The following ABCD2 variants were observed in gnomAD, a reference collection of about 807,000 sequenced individuals.
ABCD2 encodes the protein ATP-binding cassette sub-family D member 2.
A neutral mutation model predicts 70.9 loss-of-function variants in ABCD2; 36 were observed. That is an observed-to-expected ratio of 0.51 (90% confidence interval 0.39 to 0.67). The LOEUF is 0.67. Ranked by LOEUF, ABCD2 falls within the 30% of genes least tolerant of loss-of-function variation. The pLI is 0.00. For missense variants in ABCD2, 729 were observed against 890.2 expected (o/e 0.82, Z 2.30); for synonymous variants, 304 against 306.9 (o/e 0.99, Z 0.10).
intron 6 of ABCD2, among the ~76,000 whole-genome samples, chr12:39,599,311 T>C (rs1941863871): frequency 6.6e-6 from 1 of 152,194 alleles, no homozygotes; most frequent in Admixed American, 6.5e-5. Context: ...AATTCTATAA[T>C]AGAAAATTTT....
At chr12:39,571,504 GTCA>G (rs747386196) in intron 9 of ABCD2, among the ~76,000 whole-genome samples, 18 of 152,124 alleles carry the variant, frequency 1.2e-4, no homozygotes, top group Non-Finnish European at 2.1e-4. Flanking sequence ...CTCATACATG[GTCA>G]TTCATATATT....
chr12:39,584,175 T>A (rs1941634680), intron 7 of ABCD2, among the ~76,000 whole-genome samples: 1 of 152,162 alleles, frequency 6.6e-6, no homozygotes, highest in Non-Finnish European at 1.5e-5. Flanking sequence ...CTTCTCAACA[T>A]CTTGTTATTT....
At chr12:39,616,271 G>A (rs375429663) in intron 2 of ABCD2, among the ~76,000 whole-genome samples, 1 of 152,120 alleles carries the variant, frequency 6.6e-6, no homozygotes, top group South Asian at 2.1e-4. Flanking sequence ...TCCCATCCAA[G>A]GATGATACAA....
chr12:39,604,522 G>A (rs949988641), intron 4 of ABCD2, among the ~76,000 whole-genome samples: 5 of 152,024 alleles, frequency 3.3e-5, no homozygotes, highest in African/African-American at 9.7e-5. Context: ...CATATGTGCA[G>A]TTTCCAAAAA....
downstream of ABCD2, among the ~76,000 whole-genome samples, chr12:39,547,006 TA>T (rs1358660939): frequency 1.3e-5 from 2 of 152,008 alleles, no homozygotes; most frequent in African/African-American, 4.8e-5. Flanking sequence ...AAGTTTTAAT[TA>T]AAAAATTTTT....
In ABCD2 at chr12:39,552,419, T is replaced by G. The variant is rs1316920458; in HGVS notation, c.*1493A>C. ...TTCCAATATTCTTCTGGTATGTCAATGTGGTATCACAGGCAGCAAGAGATA... is the reference window on the plus strand; with the variant it reads ...TTCCAATATTCTTCTGGTATGTCAAGGTGGTATCACAGGCAGCAAGAGATA... On this transcript the variant is annotated 3_prime_UTR_variant, in exon 10 of 10. Coordinates refer to ENST00000308666, the MANE Select transcript of ABCD2 (RefSeq NM_005164.4). The G allele has an allele frequency of 6.6e-6, 1 of 151,952 alleles. No homozygotes were observed. The highest frequency in any genetic ancestry group is 1.5e-5 in the Non-Finnish European group (1 of 67,860). The allele number at this position is 151,952 out of a possible 1,614,324, so 9.4% of individuals were successfully genotyped here.
At chr12:39,558,207 C>T (rs1229741117) in intron 9 of ABCD2, among the ~76,000 whole-genome samples, 1 of 152,198 alleles carries the variant, frequency 6.6e-6, no homozygotes, top group East Asian at 1.9e-4. Flanking sequence ...GACTGATCCA[C>T]TGGATTTAGG....
At chr12:39,531,716 G>T in the ABCD2 span, among the ~76,000 whole-genome samples, 1 of 152,120 alleles carries the variant, frequency 6.6e-6, no homozygotes, top group Non-Finnish European at 1.5e-5. Context: ...TGCTATTTTG[G>T]GTGGAATCAT....
the ABCD2 span, among the ~76,000 whole-genome samples, chr12:39,538,828 G>A: frequency 6.6e-6 from 1 of 152,158 alleles, no homozygotes; most frequent in African/African-American, 2.4e-5. Context: ...AGCTACCCTG[G>A]CTGGAAAACA....
At chr12:39,534,453 G>A in the ABCD2 span, among the ~76,000 whole-genome samples, 38 of 152,144 alleles carry the variant, frequency 2.5e-4, no homozygotes, top group African/African-American at 8.9e-4. Context: ...CAGCTTCATA[G>A]AGTTTTTGTA....
chr12:39,544,045 G>A, the ABCD2 span, among the ~76,000 whole-genome samples: 1 of 152,192 alleles, frequency 6.6e-6, no homozygotes, highest in East Asian at 1.9e-4. Flanking sequence ...TTCATGCAGA[G>A]CCAGCTGTGT....
intron 8 of ABCD2, among the ~76,000 whole-genome samples, chr12:39,576,463 G>A (rs1161955489): frequency 6.6e-6 from 1 of 151,904 alleles, no homozygotes; most frequent in Non-Finnish European, 1.5e-5. Flanking sequence ...CCGGGATCAA[G>A]CTGTAAAGTT....
At chr12:39,564,447 A>C (rs1566537184) in intron 9 of ABCD2, among the ~76,000 whole-genome samples, 1 of 152,110 alleles carries the variant, frequency 6.6e-6, no homozygotes, top group Non-Finnish European at 1.5e-5. Context: ...GTGTCTGTTC[A>C]TATCCTTTGC....
At chr12:39,580,887 C>T (rs1324973704) in intron 7 of ABCD2, among the ~76,000 whole-genome samples, 1 of 152,156 alleles carries the variant, frequency 6.6e-6, no homozygotes, top group African/African-American at 2.4e-5. Flanking sequence ...AAATAGCCCT[C>T]ATTGCTTTAT....
chr12:39,607,707 GC>G lies in ABCD2; in HGVS notation c.1127del (p.Gly376AlafsTer41). On this transcript the variant is annotated frameshift_variant, in exon 3 of 10. Coordinates refer to ENST00000308666, the MANE Select transcript of ABCD2 (RefSeq NM_005164.4). LOFTEE classifies it high-confidence loss of function. ...GTTCACTAACCATAACTTGCTTTTG[GC>G]CATCCTCTAGATATAAAAACAAATT... Reference protein sequence around the residue: ...TATGFADGEDGQKQVMVSERT... With the variant: ...TATGFADGEDXQKQVMVSERT... 6.2e-7 allele frequency: 1 copy of G among 1,601,978 alleles called. No homozygotes were observed. The highest frequency in any genetic ancestry group is 8.5e-7 in the Non-Finnish European group (1 of 1,174,768).
At chr12:39,599,209 G>A (rs1318129599) in intron 6 of ABCD2, among the ~76,000 whole-genome samples, 1 of 152,126 alleles carries the variant, frequency 6.6e-6, no homozygotes, top group Non-Finnish European at 1.5e-5. Context: ...CTCTGGAAAT[G>A]TTTTACATTG....
intron 9 of ABCD2, among the ~76,000 whole-genome samples, chr12:39,563,952 T>C (rs1383588507): frequency 6.6e-6 from 1 of 152,200 alleles, no homozygotes; most frequent in African/African-American, 2.4e-5. Flanking sequence ...ACAAAAGACA[T>C]GTACTCATCA....
chr12:39,610,550 A>G (rs576578422), intron 2 of ABCD2, among the ~76,000 whole-genome samples: 3 of 152,368 alleles, frequency 2.0e-5, no homozygotes, highest in East Asian at 3.9e-4. Context: ...GTTTTGGCTC[A>G]TAGAAAATCT....
At chr12:39,602,837 A>C (rs989159265) in intron 5 of ABCD2, among the ~76,000 whole-genome samples, 1 of 152,186 alleles carries the variant, frequency 6.6e-6, no homozygotes, top group Non-Finnish European at 1.5e-5. Context: ...AAGAATCAAT[A>C]TTATAAAATG....
Sources: allele counts gnomAD v4.1 joint callset (sites outside exome capture counted in the v4.1 genomes callset), GRCh38; gene constraint gnomAD v4.1.1; transcripts MANE v1.5; gene names NCBI Gene and HGNC (gene_info 2026-07-23, HGNC 2026-07-21).